Variants in GARRE1 observed in about 807,000 individuals in gnomAD.
The protein encoded by GARRE1 is granule associated Rac and RHOG effector 1, also known as granule associated Rac and RHOG effector protein 1.
In GARRE1, 49 loss-of-function variants were observed where a neutral mutation model predicts 103.2. The observed-to-expected ratio is 0.47, with a 90% confidence interval of 0.38 to 0.60. The LOEUF (loss-of-function observed/expected upper bound fraction) is 0.60, where lower values mean the gene tolerates loss of function less well. GARRE1 is among the 20% of genes least tolerant of loss of function. The probability of loss-of-function intolerance (pLI) is 0.00; values close to 1 mark genes in which losing one functional copy is unlikely to be tolerated. For synonymous variants in GARRE1, 505 were observed against 532.8 expected (o/e 0.95, Z 0.72); for missense variants, 1,199 against 1,370.5 (o/e 0.87, Z 1.98).
chr19:34,341,387 CTTT>C, intron 9 of GARRE1, 32 bp from the exon 10 acceptor site: 2 of 1,120,472 alleles, frequency 1.8e-6, no homozygotes, highest in Non-Finnish European at 2.5e-6. Context: ...ATATATTTGT[CTTT>C]TTTTTTTTTA....
chr19:34,333,693 TTCG>T lies in GARRE1; in HGVS notation c.1264-10_1264-8del. 7.0e-7 allele frequency: 1 copy of T among 1,421,536 alleles called. No homozygotes were observed. Among genetic ancestry groups the T allele is most frequent in the Non-Finnish European group, 9.7e-7 (1 of 1,029,698 alleles). The allele number at this position is 1,421,536 out of a possible 1,614,324, so 88.1% of individuals were successfully genotyped here. ...TTGTTATTTGTTTTTTTTTTTTTTT[TTCG>T]ATCTTAGGTGGTGGTTGACACAGCA... On this transcript the variant is annotated splice_region_variant and splice_polypyrimidine_tract_variant and intron_variant, in intron 7 of 13. Coordinates refer to ENST00000299505, the MANE Select transcript of GARRE1 (RefSeq NM_014686.5).
At chr19:34,298,413 CA>C (rs55665879) in intron 1 of GARRE1, among the ~76,000 whole-genome samples, 291 of 129,362 alleles carry the variant, frequency 2.2e-3, no homozygotes, top group Admixed American at 2.3e-3. Context: ...GACTCTGTCT[CA>C]AAAAAAAAAA....
At chr19:34,286,847 T>C (rs2073890008) in intron 1 of GARRE1, among the ~76,000 whole-genome samples, 1 of 152,138 alleles carries the variant, frequency 6.6e-6, no homozygotes, top group Non-Finnish European at 1.5e-5. Context: ...AATCCCTGAG[T>C]TGCACTACAG....
intron 1 of GARRE1, among the ~76,000 whole-genome samples, chr19:34,266,683 T>G (rs2073753679): frequency 6.6e-6 from 1 of 152,158 alleles, no homozygotes; most frequent in South Asian, 2.1e-4. Flanking sequence ...GTTTGCTGGG[T>G]ATGCAAAATT....
At chr19:34,350,046 T>G (rs1045112955) in intron 12 of GARRE1, among the ~76,000 whole-genome samples, 15 of 152,254 alleles carry the variant, frequency 9.9e-5, no homozygotes, top group African/African-American at 3.1e-4. Flanking sequence ...GCAACAGAGT[T>G]AGACCCTGTC....
chr19:34,346,677 C>T (rs1268302312), intron 10 of GARRE1, among the ~76,000 whole-genome samples: 1 of 152,318 alleles, frequency 6.6e-6, no homozygotes, highest in East Asian at 1.9e-4. Flanking sequence ...AGTGCAATAG[C>T]GCGATCTTGG....
At chr19:34,341,172 C>T (rs1013071436) in intron 9 of GARRE1, among the ~76,000 whole-genome samples, 1 of 152,142 alleles carries the variant, frequency 6.6e-6, no homozygotes, top group Non-Finnish European at 1.5e-5. Flanking sequence ...CCTGTGCCAC[C>T]ATTAGAGGAT....
chr19:34,295,193 G>A (rs889062816), intron 1 of GARRE1, among the ~76,000 whole-genome samples: 1 of 152,138 alleles, frequency 6.6e-6, no homozygotes, highest in African/African-American at 2.4e-5. Flanking sequence ...CAGTCTTCTG[G>A]TCTTCAATGT....
At chr19:34,327,288 C>A (rs760233974) in intron 3 of GARRE1, 133 bp from the exon 4 acceptor site, 28 of 806,682 alleles carry the variant, frequency 3.5e-5, no homozygotes, top group Non-Finnish European at 4.8e-5. Context: ...TCTAGAACTT[C>A]TAGTTTATTT....
intron 3 of GARRE1, among the ~76,000 whole-genome samples, chr19:34,323,310 C>T (rs779922779): frequency 3.9e-5 from 6 of 151,952 alleles, no homozygotes; most frequent in Non-Finnish European, 7.4e-5. Context: ...GGATTACAGG[C>T]GTGAGCCACG....
At position 34,353,076 on chromosome 19, in the gene GARRE1, C is replaced by T; in HGVS notation, c.*121C>T. 2.1e-6 allele frequency: 2 copies of T among 936,884 alleles called. No homozygotes were observed. The highest frequency in any genetic ancestry group is 1.6e-6 in the Non-Finnish European group (1 of 643,266). 58.0% of individuals were successfully genotyped at this position (936,884 alleles called of 1,614,324 possible). Reference sequence around the variant, plus strand: ...CCTCAGAGGACCAGTGCGCCCCATCCCAGGGAGGGTTCCTTGGGGACAAGG... The same window carrying T: ...CCTCAGAGGACCAGTGCGCCCCATCTCAGGGAGGGTTCCTTGGGGACAAGG... On this transcript the variant is annotated 3_prime_UTR_variant, in exon 14 of 14. Coordinates refer to ENST00000299505, the MANE Select transcript of GARRE1 (RefSeq NM_014686.5).
At chr19:34,304,786 T>TTTTA (rs566523454) in intron 2 of GARRE1, among the ~76,000 whole-genome samples, 4 of 151,560 alleles carry the variant, frequency 2.6e-5, no homozygotes, top group Admixed American at 2.0e-4. Context: ...TATTTTTATT[T>TTTTA]TTTATTTATT....
At chr19:34,352,182 G>C (rs1049538098) in intron 13 of GARRE1, among the ~76,000 whole-genome samples, 1 of 152,006 alleles carries the variant, frequency 6.6e-6, no homozygotes, top group African/African-American at 2.4e-5. Flanking sequence ...GGTGGATCAC[G>C]AACGAGGTCA....
At chr19:34,292,568 A>T (rs1387303034) in intron 1 of GARRE1, among the ~76,000 whole-genome samples, 1 of 151,938 alleles carries the variant, frequency 6.6e-6, no homozygotes, top group Non-Finnish European at 1.5e-5. Context: ...CATAGTAGCT[A>T]TCCCATTTTA....
Position 34,342,211 on chromosome 19 carries a change from C to T in GARRE1, c.2277C>T (p.Gly759=), listed in dbSNP as rs1222166196. ...GGGCACCTGGGAAATGGGTACATGG[C>T]TCATCCCAGCAGCCAGCGCAGGCTG... ...QPRAPGKWVH[G]SSQQPAQAVG... The change falls in exon 10 of 14, where the codon GGC becomes GGT. Residue 759 remains glycine, a synonymous_variant. Coordinates refer to ENST00000299505, the MANE Select transcript of GARRE1 (RefSeq NM_014686.5). 1 of 1,614,236 alleles carries T rather than the reference C, an allele frequency of 6.2e-7. No individual in the cohort carries two copies. Among genetic ancestry groups the T allele is most frequent in the East Asian group, 2.2e-5 (1 of 44,890 alleles).
intron 9 of GARRE1, among the ~76,000 whole-genome samples, chr19:34,340,656 G>A (rs1036205693): frequency 6.6e-6 from 1 of 152,044 alleles, no homozygotes; most frequent in Non-Finnish European, 1.5e-5. Flanking sequence ...TCAGCCTTCC[G>A]AGTAGCTGGG....
chr19:34,265,874 G>A (rs1336909267), intron 1 of GARRE1, among the ~76,000 whole-genome samples: 1 of 152,186 alleles, frequency 6.6e-6, no homozygotes, highest in Non-Finnish European at 1.5e-5. Context: ...CTCAAAGTTA[G>A]TAAGTGCCAT....
At chr19:34,339,329 C>T (rs536296088) in intron 8 of GARRE1, among the ~76,000 whole-genome samples, 1 of 152,320 alleles carries the variant, frequency 6.6e-6, no homozygotes, top group African/African-American at 2.4e-5. Flanking sequence ...CTCAGTAAAA[C>T]ATTTAATTAT....
rs59757372 is a variant in GARRE1, at chr19:34,307,814, ATT to A, written c.495+6860_495+6861del. On this transcript the variant is annotated intron_variant, in intron 2 of 13. Transcript: ENST00000299505. ...CTATAAAAAAAAAATATATATATAT[ATT>A]TTTTTTTTTTTTTAGAGATTAGGCC... is the stretch of plus-strand genomic sequence containing the variant. Among the ~76,000 whole-genome samples, 455 of 109,680 alleles carry A rather than the reference ATT, an allele frequency of 4.1e-3. 5 individuals carry two copies. The highest frequency in any genetic ancestry group is 0.014 in the African/African-American group (406 of 29,392). 72.0% of individuals were successfully genotyped at this position (109,680 alleles called of 152,430 possible). A position where few individuals can be genotyped will look rare whatever the true frequency, so the allele number is the denominator to read the frequency against.
Sources: gnomAD v4.1 joint callset for allele counts (sites outside exome capture counted in the v4.1 genomes callset) on GRCh38, gnomAD v4.1.1 for gene constraint, MANE v1.5 for transcripts, NCBI Gene and HGNC (gene_info 2026-07-23, HGNC 2026-07-21) for gene names.